The following RASGRF2 variants were observed in gnomAD, a reference collection of about 807,000 sequenced individuals.
RASGRF2 encodes the protein Ras protein specific guanine nucleotide releasing factor 2.
Under a neutral mutation model 151.0 loss-of-function variants are expected in RASGRF2, and 76 were observed. The observed-to-expected ratio is 0.50, with a 90% CI of 0.42 to 0.61. RASGRF2 has a LOEUF of 0.61. RASGRF2 is among the 20% of genes least tolerant of loss of function. The pLI is 0.00. For missense variants in RASGRF2, 1,148 were observed against 1,564.6 expected, an observed-to-expected ratio of 0.73 and a Z score of 4.49; for synonymous variants, 504 against 566.5, an observed-to-expected ratio of 0.89 and a Z score of 1.57.
chr5:81,133,446 G>A (rs999014535), intron 17 of RASGRF2, among the ~76,000 whole-genome samples: 6 of 152,242 alleles, frequency 3.9e-5, no homozygotes, highest in African/African-American at 1.4e-4. Context: ...TCAAATGGCT[G>A]CTGATACAGG....
chr5:81,176,091 C>T (rs146944896), intron 17 of RASGRF2, among the ~76,000 whole-genome samples: 5 of 152,294 alleles, frequency 3.3e-5, no homozygotes, highest in South Asian at 2.1e-4. Context: ...ACATAGACAT[C>T]GAGGTCCATG....
At chr5:80,984,289 AG>A (rs1427955202) in intron 1 of RASGRF2, among the ~76,000 whole-genome samples, 1 of 152,196 alleles carries the variant, frequency 6.6e-6, no homozygotes, top group Non-Finnish European at 1.5e-5. Context: ...CCTGGCCTCA[AG>A]TGATCCACCC....
At chr5:81,071,012 T>C (rs1443143501) in intron 4 of RASGRF2, among the ~76,000 whole-genome samples, 1 of 152,202 alleles carries the variant, frequency 6.6e-6, no homozygotes, top group Non-Finnish European at 1.5e-5. Context: ...TTCTGTTTTA[T>C]TATTGCTTCT....
chr5:81,197,462 CAAAAA>C lies in RASGRF2; in HGVS notation c.2794-3847_2794-3843del, dbSNP rs10674027. On this transcript the variant is annotated intron_variant, in intron 18 of 26. Coordinates refer to ENST00000265080, the MANE Select transcript of RASGRF2 (RefSeq NM_006909.3). ...TGGGCGACAGAGCGAGACTCCGTCTCAAAAAAAAAAAAAAAAAAAAAAAAAGTAAA... is the reference window on the plus strand; with the variant it reads ...TGGGCGACAGAGCGAGACTCCGTCTCAAAAAAAAAAAAAAAAAAAAGTAAA... 3.9e-4 allele frequency among the ~76,000 whole-genome samples: 25 copies of C among 63,714 alleles called. 1 individual carries two copies. The highest frequency in any genetic ancestry group is 1.4e-3 in the African/African-American group (20 of 14,630). The allele number at this position is 63,714 out of a possible 152,430, so 41.8% of individuals were successfully genotyped here.
intron 2 of RASGRF2, among the ~76,000 whole-genome samples, chr5:81,062,904 C>T (rs1751487616): frequency 6.6e-6 from 1 of 152,014 alleles, no homozygotes; most frequent in African/African-American, 2.4e-5. Context: ...CCTGTCTTGT[C>T]CTGGTACTTG....
intron 1 of RASGRF2, among the ~76,000 whole-genome samples, chr5:80,961,800 G>A (rs573256788): frequency 4.7e-4 from 72 of 152,142 alleles, no homozygotes; most frequent in African/African-American, 1.6e-3. Context: ...GCGGGGTGGG[G>A]GAGAAAAACC....
chr5:81,119,732 G>A (rs984216423), intron 15 of RASGRF2, among the ~76,000 whole-genome samples: 7 of 152,202 alleles, frequency 4.6e-5, no homozygotes, highest in Non-Finnish European at 8.8e-5. Flanking sequence ...CAGATGGAGG[G>A]AACCTGTGAA....
chr5:81,124,427 G>A (rs1377680239), intron 16 of RASGRF2, among the ~76,000 whole-genome samples: 1 of 152,148 alleles, frequency 6.6e-6, no homozygotes, highest in East Asian at 1.9e-4. Context: ...TCAGTGCTGG[G>A]TTTACCAAAA....
intron 2 of RASGRF2, among the ~76,000 whole-genome samples, chr5:81,062,051 G>A (rs1751459533): frequency 6.8e-6 from 1 of 147,616 alleles, no homozygotes; most frequent in Non-Finnish European, 1.5e-5. Context: ...TTACTATGTT[G>A]CTCAGGCTGG....
At chr5:81,080,302 G>A in intron 6 of RASGRF2, 102 bp downstream of exon 6, 1 of 1,521,268 alleles carries the variant, frequency 6.6e-7, no homozygotes, top group Non-Finnish European at 8.8e-7. Context: ...GCATCACCCT[G>A]TTGACCTGTG....
intron 5 of RASGRF2, among the ~76,000 whole-genome samples, chr5:81,075,406 G>A (rs1405701418): frequency 6.6e-6 from 1 of 152,198 alleles, no homozygotes; most frequent in Non-Finnish European, 1.5e-5. Flanking sequence ...GGTCGTGCAA[G>A]AGCGGGCTAG....
intron 2 of RASGRF2, among the ~76,000 whole-genome samples, chr5:81,063,691 A>G (rs1419858078): frequency 6.6e-6 from 1 of 151,730 alleles, no homozygotes; most frequent in African/African-American, 2.4e-5. Context: ...ATTTTTGTTT[A>G]GTGTTCTTTA....
intron 1 of RASGRF2, among the ~76,000 whole-genome samples, chr5:81,026,102 TTCCTTCCTC>T (rs1325888200): frequency 1.4e-5 from 2 of 146,038 alleles, no homozygotes; most frequent in African/African-American, 5.1e-5. Context: ...CCTTCCTCTG[TTCCTTCCTC>T]TCCTTCCTCT....
At chr5:81,000,503 A>G (rs1439850218) in intron 1 of RASGRF2, among the ~76,000 whole-genome samples, 1 of 152,236 alleles carries the variant, frequency 6.6e-6, no homozygotes, top group African/African-American at 2.4e-5. Context: ...TCGGCTTCCC[A>G]AAGTAATGGG....
chr5:81,175,630 C>T (rs1268299060), intron 17 of RASGRF2, among the ~76,000 whole-genome samples: 1 of 151,958 alleles, frequency 6.6e-6, no homozygotes, highest in African/African-American at 2.4e-5. Flanking sequence ...GTGGCGCCTG[C>T]CTGTAATCCC....
rs924756768 is a variant in RASGRF2, at chr5:81,035,466, G to T, written c.289-7411G>T. ...ATTACACACCAGGGCCTGTCGTGGG[G>T]TGGGGCGAGTGGGGAGGGATAGCAT... On this transcript the variant is annotated intron_variant, in intron 1 of 26. Transcript: ENST00000265080. Among the ~76,000 whole-genome samples the T allele has an allele frequency of 5.9e-5, 9 of 152,052 alleles. 1 individual carries two copies.
chr5:81,126,861 C>CTT (rs1753469263), intron 16 of RASGRF2, among the ~76,000 whole-genome samples: 3 of 152,116 alleles, frequency 2.0e-5, no homozygotes, highest in South Asian at 2.1e-4. Flanking sequence ...TTCATGTACA[C>CTT]GTTTGTGTGT....
At chr5:81,118,729 C>G (rs1753226374) in intron 15 of RASGRF2, among the ~76,000 whole-genome samples, 1 of 152,182 alleles carries the variant, frequency 6.6e-6, no homozygotes, top group South Asian at 2.1e-4. Flanking sequence ...TGCCTTTAAA[C>G]CATTTCTTTC....
intron 1 of RASGRF2, among the ~76,000 whole-genome samples, chr5:80,974,008 GT>G (rs1197963423): frequency 6.6e-6 from 1 of 152,204 alleles, no homozygotes; most frequent in African/African-American, 2.4e-5. Context: ...AGGAGCAGTA[GT>G]GGGTAATGCT....
Sources: allele counts gnomAD v4.1 joint callset (sites outside exome capture counted in the v4.1 genomes callset), GRCh38; gene constraint gnomAD v4.1.1; transcripts MANE v1.5; gene names NCBI Gene and HGNC (gene_info 2026-07-23, HGNC 2026-07-21).